Variants in SLC23A2 observed in about 807,000 individuals in gnomAD.
SLC23A2 encodes the protein Na(+)/L-ascorbic acid transporter 2.
SLC23A2 carries 36 observed loss-of-function variants against 73.3 expected under a neutral mutation model. The observed-to-expected ratio is 0.49, with a 90% CI of 0.38 to 0.65. The LOEUF (loss-of-function observed/expected upper bound fraction) is 0.65, where lower values mean the gene tolerates loss of function less well. SLC23A2 is among the 30% of genes least tolerant of loss of function. The pLI is 0.00. For synonymous variants in SLC23A2, 343 were observed against 327.3 expected (o/e 1.05, Z -0.52); for missense variants, 507 against 841.6 (o/e 0.60, Z 4.92).
chr20:4,997,170 T>C (rs2088037785), intron 1 of SLC23A2, among the ~76,000 whole-genome samples: 1 of 152,100 alleles, frequency 6.6e-6, no homozygotes, highest in South Asian at 2.1e-4. Context: ...CTGCCTTCAA[T>C]CTGTCTCACA....
intron 2 of SLC23A2, among the ~76,000 whole-genome samples, chr20:4,949,287 C>CAAA (rs570455717): frequency 1.7e-5 from 1 of 57,942 alleles, no homozygotes; most frequent in Non-Finnish European, 3.5e-5. Context: ...GACTCCATCT[C>CAAA]AAAAAAAAAA....
intron 2 of SLC23A2, among the ~76,000 whole-genome samples, chr20:4,964,441 T>C (rs1018857677): frequency 2.0e-5 from 3 of 152,214 alleles, no homozygotes; most frequent in Admixed American, 2.0e-4. Context: ...TGAGTGTTCA[T>C]TAAAATAATG....
At chr20:4,907,362 C>T (rs1441771647) in intron 4 of SLC23A2, among the ~76,000 whole-genome samples, 1 of 152,074 alleles carries the variant, frequency 6.6e-6, no homozygotes, top group Non-Finnish European at 1.5e-5. Context: ...AACTTCATCA[C>T]ACACAAAGAC....
rs1489774535 is a variant in SLC23A2 at position 4,998,822 on chromosome 20, T to A, written c.-282+2584A>T. Among the ~76,000 whole-genome samples the A allele has an allele frequency of 6.6e-6, 1 of 151,454 alleles. No homozygotes were observed. Among genetic ancestry groups the A allele is most frequent in the Non-Finnish European group, 1.5e-5 (1 of 67,850 alleles). Reference sequence around the variant, plus strand: ...CTGTTGATCTTTTTTTTTTTTTTTTTAGGAGACAGTCTCACTCTGTCACCC... The same window carrying A: ...CTGTTGATCTTTTTTTTTTTTTTTTAAGGAGACAGTCTCACTCTGTCACCC... On this transcript the variant is annotated intron_variant, in intron 1 of 16. Transcript: ENST00000338244. The surrounding 1 kb of genome is among the most constrained non-coding windows in gnomAD (Gnocchi z 4.1).
chr20:4,985,295 C>CCAAATGTCCAT (rs2087806765), intron 1 of SLC23A2, among the ~76,000 whole-genome samples: 1 of 151,924 alleles, frequency 6.6e-6, no homozygotes, highest in Non-Finnish European at 1.5e-5. Context: ...TGAAAATAAC[C>CCAAATGTCCAT]CAAATGTCCA....
intron 4 of SLC23A2, among the ~76,000 whole-genome samples, chr20:4,904,057 T>C (rs1931848162): frequency 6.6e-6 from 1 of 152,098 alleles, no homozygotes; most frequent in Non-Finnish European, 1.5e-5. Context: ...CACCATGGGA[T>C]GCTAAGGTGT....
intron 2 of SLC23A2, among the ~76,000 whole-genome samples, chr20:4,965,875 G>T (rs1011681919): frequency 2.0e-5 from 3 of 150,538 alleles, no homozygotes; most frequent in African/African-American, 7.3e-5. Context: ...GCTGGGGCAG[G>T]AGAATTGCTT....
At chr20:4,940,640 T>A (rs1181368903) in intron 2 of SLC23A2, among the ~76,000 whole-genome samples, 1 of 152,254 alleles carries the variant, frequency 6.6e-6, no homozygotes, top group East Asian at 1.9e-4. Context: ...CATGGAAAGA[T>A]GTTTACCCTG....
intron 1 of SLC23A2, among the ~76,000 whole-genome samples, chr20:4,973,696 G>A (rs2087600410): frequency 6.6e-6 from 1 of 152,152 alleles, no homozygotes; most frequent in African/African-American, 2.4e-5. Context: ...CCGCACTCTG[G>A]AAACATGAAA....
intron 1 of SLC23A2, among the ~76,000 whole-genome samples, chr20:4,977,532 C>T (rs966308046): frequency 4.6e-5 from 7 of 151,546 alleles, no homozygotes; most frequent in Non-Finnish European, 7.4e-5. Flanking sequence ...CCCGACTCTA[C>T]TAAAAAACTA....
rs144886613 is a variant in SLC23A2, at chr20:4,936,549, C to T, written c.-154-3833G>A. Among the ~76,000 whole-genome samples the T allele has an allele frequency of 4.4e-3, 668 of 152,232 alleles. 6 individuals carry two copies. The highest frequency in any genetic ancestry group is 0.015 in the African/African-American group (627 of 41,542). On this transcript the variant is annotated intron_variant, in intron 2 of 16. Coordinates refer to ENST00000338244, the MANE Select transcript of SLC23A2 (RefSeq NM_005116.6). Reference sequence around the variant, plus strand: ...GCGATCATCCTGCCTCAGCCTCCCACGTAGCTGGGACTACAGGTGCAAGTC... The same window carrying T: ...GCGATCATCCTGCCTCAGCCTCCCATGTAGCTGGGACTACAGGTGCAAGTC...
rs192725418 is a variant in SLC23A2, at chr20:4,972,849, G to A, written c.-281-1930C>T. Among the ~76,000 whole-genome samples, 1,434 of 151,488 alleles carry A rather than the reference G, an allele frequency of 9.5e-3. 26 individuals are homozygous for A. The highest frequency in any genetic ancestry group is 0.039 in the East Asian group (197 of 5,068). On this transcript the variant is annotated intron_variant, in intron 1 of 16. Coordinates refer to ENST00000338244, the MANE Select transcript of SLC23A2 (RefSeq NM_005116.6). Reference sequence around the variant, plus strand: ...ATCCACCCGCCTCGGCTCCCAAAGTGCTGGGATTACAGGCACAAGCCACTA... The same window carrying A: ...ATCCACCCGCCTCGGCTCCCAAAGTACTGGGATTACAGGCACAAGCCACTA...
chr20:4,909,289 G>GCAT (rs1310556939), intron 4 of SLC23A2, among the ~76,000 whole-genome samples: 1 of 152,126 alleles, frequency 6.6e-6, no homozygotes. Flanking sequence ...TTTCCTTTGA[G>GCAT]CATCATGTCG....
chr20:4,860,220 T>C (rs1363045350), intron 15 of SLC23A2, among the ~76,000 whole-genome samples: 1 of 152,262 alleles, frequency 6.6e-6, no homozygotes, highest in Non-Finnish European at 1.5e-5. Context: ...CACTAAAATG[T>C]ATTTGTAAAC....
At chr20:4,887,998 C>T (rs1372708190) in intron 6 of SLC23A2, among the ~76,000 whole-genome samples, 5 of 152,146 alleles carry the variant, frequency 3.3e-5, no homozygotes, top group African/African-American at 4.8e-5. Flanking sequence ...AGTGTGAAGA[C>T]GGTCAATTCT....
chr20:4,991,719 T>TTC (rs887158923), intron 1 of SLC23A2, among the ~76,000 whole-genome samples: 6 of 62,630 alleles, frequency 9.6e-5, no homozygotes, highest in South Asian at 5.9e-4. Flanking sequence ...GAGACTCCGT[T>TTC]TCACACACAC....
intron 7 of SLC23A2, among the ~76,000 whole-genome samples, chr20:4,885,385 AAAG>A (rs1240826251): frequency 9.2e-5 from 14 of 152,190 alleles, no homozygotes; most frequent in African/African-American, 2.9e-4. Flanking sequence ...TGCAATCACT[AAAG>A]AAGGGGAATG....
In SLC23A2 at chr20:5,009,695, G is replaced by A. The variant is rs962088845; in HGVS notation, c.-282+487C>T. 1.1e-4 allele frequency among the ~76,000 whole-genome samples: 16 copies of A among 152,252 alleles called. No homozygotes were observed. In the South Asian group the frequency reaches 2.3e-3, roughly 22 times the overall value. ...TGCCCGCTGATGAGAGGTGAAATGC[G>A]AAGGGAAAGAACTCAGGATTAACCC... is the stretch of plus-strand genomic sequence containing the variant. On this transcript the variant is annotated intron_variant, in intron 1 of 16. Coordinates refer to the SLC23A2 transcript ENST00000379333.
chr20:4,991,233 C>A (rs1363144193), intron 1 of SLC23A2, among the ~76,000 whole-genome samples: 1 of 151,968 alleles, frequency 6.6e-6, no homozygotes, highest in Non-Finnish European at 1.5e-5. Context: ...ATCAGCCTCC[C>A]TAGTCAGTGG....
Sources: allele counts gnomAD v4.1 joint callset (sites outside exome capture counted in the v4.1 genomes callset), GRCh38; gene constraint gnomAD v4.1.1; non-coding constraint Gnocchi (gnomAD v3.1); transcripts MANE v1.5; gene names NCBI Gene and HGNC (gene_info 2026-07-23, HGNC 2026-07-21).